The following IGF1R variants were observed in gnomAD, a reference collection of about 807,000 sequenced individuals.
IGF1R encodes insulin like growth factor 1 receptor.
A neutral mutation model predicts 144.6 loss-of-function variants in IGF1R; 44 were observed. The observed-to-expected ratio is 0.30, with a 90% CI of 0.24 to 0.39. The LOEUF (loss-of-function observed/expected upper bound fraction) is 0.39. Among genes scored for constraint, IGF1R ranks in the 10% least tolerant of loss-of-function variants. The pLI, the probability that IGF1R is intolerant of heterozygous loss-of-function variation, is 1.00. For synonymous variants in IGF1R, 795 were observed against 722.8 expected (o/e 1.10, Z -1.60); for missense variants, 1,355 against 1,833.7 (o/e 0.74, Z 4.77).
intron 2 of IGF1R, among the ~76,000 whole-genome samples, chr15:98,730,890 A>G (rs2054482404): frequency 6.6e-6 from 1 of 152,248 alleles, no homozygotes; most frequent in African/African-American, 2.4e-5. Context: ...ACATCATTGT[A>G]GTCACCGATG....
At chr15:98,916,232 G>T in intron 9 of IGF1R, 101 bp downstream of exon 9, 34 of 944,574 alleles carry the variant, frequency 3.6e-5, no homozygotes, top group Non-Finnish European at 4.9e-5. Flanking sequence ...CAACAGTGTA[G>T]TTCTCCATTG....
intron 5 of IGF1R, among the ~76,000 whole-genome samples, 163 bp downstream of exon 5, chr15:98,899,784 A>G (rs1193800394): frequency 6.6e-6 from 1 of 152,124 alleles, no homozygotes; most frequent in South Asian, 2.1e-4. Flanking sequence ...GGGTGGAGTC[A>G]TGGTTCTCCA....
At chr15:98,773,418 A>ATGC (rs1448941162) in intron 2 of IGF1R, among the ~76,000 whole-genome samples, 1 of 152,178 alleles carries the variant, frequency 6.6e-6, no homozygotes, top group Non-Finnish European at 1.5e-5. Context: ...GGAAGTTAAA[A>ATGC]TGCTAGATTG....
intron 2 of IGF1R, among the ~76,000 whole-genome samples, chr15:98,739,716 C>T (rs1596254228): frequency 6.6e-6 from 1 of 152,242 alleles, no homozygotes; most frequent in Non-Finnish European, 1.5e-5. Flanking sequence ...TCAAGTCTCC[C>T]GAGTAGCTGG....
At chr15:98,954,938 C>T (rs2016921055) in intron 20 of IGF1R, among the ~76,000 whole-genome samples, 1 of 152,066 alleles carries the variant, frequency 6.6e-6, no homozygotes, top group South Asian at 2.1e-4. Flanking sequence ...CCTGGTGGCC[C>T]CAGGGTTACT....
At chr15:98,677,103 TTTTTTC>T (rs1220398362) in intron 1 of IGF1R, among the ~76,000 whole-genome samples, 21 of 151,862 alleles carry the variant, frequency 1.4e-4, no homozygotes, top group African/African-American at 5.1e-4. Flanking sequence ...CCTGGCTAAG[TTTTTTC>T]TTTTTCTTTT....
intron 3 of IGF1R, among the ~76,000 whole-genome samples, chr15:98,895,088 T>C (rs765633526): frequency 1.4e-4 from 21 of 150,418 alleles, no homozygotes; most frequent in Non-Finnish European, 2.7e-4. Flanking sequence ...GTTAGGGACA[T>C]TGGGGACTAG....
At chr15:98,699,304 A>T (rs972612658) in intron 1 of IGF1R, among the ~76,000 whole-genome samples, 13 of 152,210 alleles carry the variant, frequency 8.5e-5, no homozygotes, top group African/African-American at 3.1e-4. Flanking sequence ...GGAAGGCCTC[A>T]TGGTGAGGCA....
intron 2 of IGF1R, among the ~76,000 whole-genome samples, chr15:98,717,545 T>A (rs2054148052): frequency 1.3e-5 from 2 of 152,208 alleles, no homozygotes; most frequent in South Asian, 4.1e-4. Flanking sequence ...GTTCAAATTC[T>A]TGTGTCTGTC....
intron 2 of IGF1R, among the ~76,000 whole-genome samples, chr15:98,755,013 C>G (rs916795310): frequency 1.3e-5 from 2 of 152,130 alleles, no homozygotes; most frequent in African/African-American, 4.8e-5. Context: ...TATATCTGGT[C>G]TCTTTAAAAT....
At chr15:98,678,923 T>C (rs76974438) in intron 1 of IGF1R, among the ~76,000 whole-genome samples, 2 of 484 alleles carry the variant, frequency 4.1e-3, no homozygotes, top group African/African-American at 6.6e-3. Flanking sequence ...CTGATGCTCT[T>C]TTTTTTTTTT....
intron 2 of IGF1R, among the ~76,000 whole-genome samples, chr15:98,800,565 T>C (rs1476314413): frequency 1.3e-5 from 2 of 152,140 alleles, no homozygotes; most frequent in Non-Finnish European, 2.9e-5. Context: ...GGGAATTCCT[T>C]TAATAACACG....
At chr15:98,895,574 A>C (rs973047903) in intron 3 of IGF1R, among the ~76,000 whole-genome samples, 4 of 152,196 alleles carry the variant, frequency 2.6e-5, no homozygotes, top group African/African-American at 9.6e-5. Context: ...GGGTGGGTCC[A>C]GTTCCTGTAG....
intron 1 of IGF1R, among the ~76,000 whole-genome samples, chr15:98,665,042 C>G (rs1288592638): frequency 6.6e-6 from 1 of 150,602 alleles, no homozygotes; most frequent in Non-Finnish European, 1.5e-5. Context: ...ACTGCAAGCT[C>G]CACCTCCCGG....
intron 2 of IGF1R, among the ~76,000 whole-genome samples, chr15:98,756,531 CTTTTTTTGCTT>C (rs1214151465): frequency 1.3e-5 from 2 of 151,746 alleles, no homozygotes; most frequent in African/African-American, 4.8e-5. Flanking sequence ...TATTTTTGCT[CTTTTTTTGCTT>C]TTTTCCCCCT....
At chr15:98,881,023 C>G (rs2013344346) in intron 2 of IGF1R, among the ~76,000 whole-genome samples, 1 of 152,148 alleles carries the variant, frequency 6.6e-6, no homozygotes, top group Non-Finnish European at 1.5e-5. Context: ...CTCAGCAAGG[C>G]TGGAAACTGC....
At chr15:98,833,328 C>G (rs2057034997) in intron 2 of IGF1R, among the ~76,000 whole-genome samples, 1 of 152,156 alleles carries the variant, frequency 6.6e-6, no homozygotes, top group East Asian at 1.9e-4. Flanking sequence ...TGATTCAGTA[C>G]TTGTGATTGA....
chr15:98,656,754 G>C (rs1430407621), intron 1 of IGF1R, among the ~76,000 whole-genome samples: 1 of 152,166 alleles, frequency 6.6e-6, no homozygotes, highest in Non-Finnish European at 1.5e-5. Context: ...ACTTCAGTAA[G>C]AGTTACATAA....
At chr15:98,859,184 C>T (rs535246602) in intron 2 of IGF1R, among the ~76,000 whole-genome samples, 4 of 152,180 alleles carry the variant, frequency 2.6e-5, no homozygotes, top group East Asian at 3.9e-4. Flanking sequence ...ATATTGAGAT[C>T]GGTGTAAAAA....
Sources: allele counts gnomAD v4.1 joint callset (sites outside exome capture counted in the v4.1 genomes callset), GRCh38; gene constraint gnomAD v4.1.1; transcripts MANE v1.5; gene names NCBI Gene and HGNC (gene_info 2026-07-23, HGNC 2026-07-21).